MCF2L: variants seen among roughly 807,000 people sequenced by gnomAD.
MCF2L encodes MCF.2 cell line derived transforming sequence like.
Under a neutral mutation model 153.4 loss-of-function variants are expected in MCF2L, and 97 were observed. The ratio of observed to expected loss-of-function variants is 0.63; its 90% CI spans 0.54 to 0.75. The LOEUF (loss-of-function observed/expected upper bound fraction) is 0.75, where lower values mean the gene tolerates loss of function less well. Ranked by LOEUF, MCF2L falls within the 30% of genes least tolerant of loss-of-function variation. The pLI is 0.00. For synonymous variants in MCF2L, 659 were observed against 632.2 expected (o/e 1.04, Z -0.64); for missense variants, 1,347 against 1,495.2 (o/e 0.90, Z 1.64).
At chr13:113,041,874 C>A (rs914564562) in intron 3 of MCF2L, among the ~76,000 whole-genome samples, 1 of 152,118 alleles carries the variant, frequency 6.6e-6, no homozygotes. Context: ...CCAGGGTGGA[C>A]GTGGCCTTAG....
intron 3 of MCF2L, chr13:113,040,327 C>T (rs2086397302): frequency 6.6e-6 from 1 of 152,092 alleles, no homozygotes; most frequent in African/African-American, 2.4e-5. Context: ...AGAATGGTGT[C>T]CTCCAAGGAA....
rs2081204101 is a variant in MCF2L, at chr13:112,909,198, C to G, written c.169+6827C>G. The G allele has an allele frequency of 3.9e-6, 3 of 779,020 alleles. No homozygotes were observed. The East Asian group carries it at 7.3e-5, about 19-fold the overall frequency. The allele number at this position is 779,020 out of a possible 1,614,324, so 48.3% of individuals were successfully genotyped here. A position where few individuals can be genotyped will look rare whatever the true frequency, so the allele number is the denominator to read the frequency against. ...AAAACACTGCCTGTTCCCGAGGGAG[C>G]CCCTGTAACCAACCTCTCCCCAGAT... On this transcript the variant is annotated intron_variant, in intron 2 of 29. Coordinates refer to the MCF2L transcript ENST00000375608.
chr13:113,075,619 G>A (rs2033390021), intron 11 of MCF2L, among the ~76,000 whole-genome samples: 1 of 152,164 alleles, frequency 6.6e-6, no homozygotes, highest in African/African-American at 2.4e-5. Context: ...ACAGGCGTGA[G>A]CCACCCTGCC....
intron 1 of MCF2L, chr13:113,009,201 A>C (rs2083919426): frequency 6.6e-6 from 1 of 152,226 alleles, no homozygotes; most frequent in Admixed American, 6.5e-5. Flanking sequence ...TGCGCGTCTG[A>C]GATGACGCCC....
At chr13:113,030,366 G>C (rs1334224286) in intron 3 of MCF2L, among the ~76,000 whole-genome samples, 4 of 141,228 alleles carry the variant, frequency 2.8e-5, no homozygotes, top group South Asian at 4.6e-4. Flanking sequence ...GGTGTCCGCT[G>C]ACGCAGGTGT....
At chr13:112,926,081 T>C (rs1033352636) in intron 2 of MCF2L, among the ~76,000 whole-genome samples, 1 of 152,152 alleles carries the variant, frequency 6.6e-6, no homozygotes, top group Non-Finnish European at 1.5e-5. Context: ...CGGTCACAGA[T>C]GAGGGGATAA....
chr13:112,976,189 T>C (rs2993278), intron 1 of MCF2L, among the ~76,000 whole-genome samples: 64,948 of 136,314 alleles, frequency 0.48, 14,821 homozygotes, highest in African/African-American at 0.61. Context: ...TGTGTGTGTG[T>C]GCGTGTGTGT....
intron 3 of MCF2L, among the ~76,000 whole-genome samples, chr13:113,036,646 G>T (rs770157947): frequency 1.3e-5 from 2 of 152,248 alleles, no homozygotes; most frequent in Admixed American, 6.5e-5. Context: ...CCAGGAGTGC[G>T]TGTGTCGCAG....
chr13:112,913,222 G>A (rs2081254419), intron 2 of MCF2L, among the ~76,000 whole-genome samples: 1 of 150,334 alleles, frequency 6.7e-6, no homozygotes. Context: ...TGTATGGGGT[G>A]TGTCTGTGTG....
chr13:113,093,253 G>A (rs2142113913), intron 26 of MCF2L, among the ~76,000 whole-genome samples: 1 of 152,378 alleles, frequency 6.6e-6, no homozygotes, highest in East Asian at 1.9e-4. Flanking sequence ...CCAAGCTGCA[G>A]GTCTGCAACC....
chr13:112,995,799 A>T (rs1051706062), intron 1 of MCF2L, among the ~76,000 whole-genome samples: 3 of 152,140 alleles, frequency 2.0e-5, no homozygotes, highest in African/African-American at 7.2e-5. Flanking sequence ...TGGCATGAGA[A>T]GGGTGGGATC....
chr13:113,086,057 G>T, intron 20 of MCF2L, 67 bp from the exon 21 acceptor site: 1 of 1,527,004 alleles, frequency 6.5e-7, no homozygotes, highest in Non-Finnish European at 8.8e-7. Flanking sequence ...AGCTCCTGAG[G>T]GGTCTGTTCC....
At chr13:112,899,147 C>A (rs1274132571) in intron 1 of MCF2L, among the ~76,000 whole-genome samples, 4 of 152,268 alleles carry the variant, frequency 2.6e-5, no homozygotes, top group African/African-American at 9.6e-5. Flanking sequence ...CAAAGCCGTG[C>A]TGACTTGGTG....
chr13:113,020,142 T>C (rs920441041), intron 2 of MCF2L, among the ~76,000 whole-genome samples: 2 of 152,142 alleles, frequency 1.3e-5, no homozygotes, highest in African/African-American at 4.8e-5. Flanking sequence ...GAGGTTTTTA[T>C]TTAGTTCTTA....
chr13:113,084,049 A>C lies in MCF2L; in HGVS notation c.2043A>C (p.Gly681=), dbSNP rs2034403208. ...ACACTGACTGCCCAGAACTGGTTGG[A>C]AGATGCTTTCTGGAGAGGGTAGGTG... ...ENYTDCPELV[G]RCFLERMEDF... Residue 681 remains glycine (G), a synonymous_variant, in exon 18 of 30, where the codon GGA becomes GGC. Transcript: ENST00000535094. 1 of 1,613,872 alleles carries C rather than the reference A, an allele frequency of 6.2e-7. No individual in the cohort carries two copies. Among genetic ancestry groups the C allele is most frequent in the African/African-American group, 1.3e-5 (1 of 74,920 alleles).
Position 112,926,037 on chromosome 13 carries a change from A to G in MCF2L, c.169+23666A>G, listed in dbSNP as rs541630452. 3.1e-4 allele frequency among the ~76,000 whole-genome samples: 48 copies of G among 152,382 alleles called. 2 individuals are homozygous for G. The South Asian group carries it at 3.9e-3, about 12-fold the overall frequency. ...AGATATCAACCAGTAGTTCACAGAA[A>G]AAGAAATCCATCACAGTAGCCAAGA... On this transcript the variant is annotated intron_variant, in intron 2 of 29. Transcript: ENST00000375608.
chr13:112,968,767 C>A, upstream of MCF2L: 1 of 1,358,100 alleles, frequency 7.4e-7, no homozygotes, highest in Non-Finnish European at 9.4e-7. Flanking sequence ...TGCACTCGCT[C>A]GGTCCACTCG....
At chr13:112,924,402 G>A (rs888615732) in intron 2 of MCF2L, among the ~76,000 whole-genome samples, 16 of 152,178 alleles carry the variant, frequency 1.1e-4, no homozygotes, top group African/African-American at 3.9e-4. Context: ...AAAAAAATAA[G>A]GGAATTAATA....
intron 8 of MCF2L, 78 bp from the exon 9 acceptor site, chr13:113,069,981 C>T (rs2141871884): frequency 3.3e-6 from 3 of 921,126 alleles, no homozygotes; most frequent in East Asian, 2.7e-5. Flanking sequence ...GCCTTGGGGT[C>T]GCTTGAACAC....
Sources: allele counts gnomAD v4.1 joint callset (sites outside exome capture counted in the v4.1 genomes callset), GRCh38; gene constraint gnomAD v4.1.1; transcripts MANE v1.5; gene names NCBI Gene and HGNC (gene_info 2026-07-23, HGNC 2026-07-21).